FHIT: variants seen among roughly 807,000 people sequenced by gnomAD.
FHIT encodes fragile histidine triad diadenosine triphosphatase, also known as bis(5'-adenosyl)-triphosphatase.
In FHIT, 19 loss-of-function variants were observed where a neutral mutation model predicts 17.9. The observed-to-expected ratio is 1.06, with a 90% CI of 0.74 to 1.56. FHIT has a LOEUF of 1.56. Ranked by LOEUF, FHIT falls within the 40% of genes most tolerant of loss-of-function variation. The pLI, the probability that FHIT is intolerant of heterozygous loss-of-function variation, is 0.00. For missense variants in FHIT, 248 were observed against 189.2 expected (o/e 1.31, Z -1.82); for synonymous variants, 81 against 69.7 (o/e 1.16, Z -0.81).
chr3:60,302,851 A>G (rs973882178), intron 5 of FHIT, among the ~76,000 whole-genome samples: 7 of 152,176 alleles, frequency 4.6e-5, no homozygotes, highest in Non-Finnish European at 7.4e-5. Flanking sequence ...TAAATTTCTC[A>G]TCAAGCATCA....
intron 5 of FHIT, among the ~76,000 whole-genome samples, chr3:60,158,439 G>A (rs1038045493): frequency 1.3e-5 from 2 of 151,850 alleles, no homozygotes; most frequent in Non-Finnish European, 2.9e-5. Flanking sequence ...AGCCTCCTGA[G>A]TAACTAGGAT....
At chr3:61,100,062 T>C (rs2035769130) in intron 2 of FHIT, among the ~76,000 whole-genome samples, 1 of 152,080 alleles carries the variant, frequency 6.6e-6, no homozygotes, top group South Asian at 2.1e-4. Flanking sequence ...CTGAGCATCT[T>C]TTCTTTTTTT....
At chr3:60,834,898 A>T in intron 3 of FHIT, among the ~76,000 whole-genome samples, 1 of 149,514 alleles carries the variant, frequency 6.7e-6, no homozygotes, top group East Asian at 1.9e-4. Flanking sequence ...AAAAAAAAAA[A>T]CTCTTTCACG....
chr3:60,377,856 CAG>C (rs1267618558), intron 5 of FHIT, among the ~76,000 whole-genome samples: 1 of 152,102 alleles, frequency 6.6e-6, no homozygotes, highest in Non-Finnish European at 1.5e-5. Context: ...ATTGAGGACA[CAG>C]GGTTTAGGGA....
intron 8 of FHIT, among the ~76,000 whole-genome samples, chr3:59,858,573 G>A (rs1352749687): frequency 6.6e-6 from 1 of 151,912 alleles, no homozygotes; most frequent in Non-Finnish European, 1.5e-5. Flanking sequence ...GAGGAGGCAG[G>A]AGCGAGGGGT....
intron 3 of FHIT, among the ~76,000 whole-genome samples, chr3:60,843,121 C>T (rs868966001): frequency 1.3e-5 from 2 of 152,022 alleles, no homozygotes. Context: ...TTAAAATTCA[C>T]GTAGGAATGG....
chr3:59,770,677 T>C (rs1187876049), intron 8 of FHIT, among the ~76,000 whole-genome samples: 4 of 152,178 alleles, frequency 2.6e-5, no homozygotes, highest in Non-Finnish European at 4.4e-5. Context: ...ACCCAGGTTG[T>C]GGTACTTGAT....
At chr3:60,462,426 TA>T (rs1292573864) in intron 5 of FHIT, among the ~76,000 whole-genome samples, 1 of 152,010 alleles carries the variant, frequency 6.6e-6, no homozygotes, top group African/African-American at 2.4e-5. Context: ...CCAAACACTG[TA>T]AGAACCCAAA....
At chr3:61,188,508 G>A (rs1273341787) in intron 2 of FHIT, among the ~76,000 whole-genome samples, 2 of 152,190 alleles carry the variant, frequency 1.3e-5, no homozygotes, top group South Asian at 4.1e-4. Context: ...GAGGTACAAG[G>A]AGGAGCTAGT....
rs571073727 is a variant in FHIT, at chr3:60,047,467, T to C, written c.104-33315A>G. 3.9e-5 allele frequency among the ~76,000 whole-genome samples: 6 copies of C among 152,350 alleles called. No homozygotes were observed. The South Asian group carries it at 1.0e-3, about 26-fold the overall frequency. ...AAGTCCAGCAGCTAATTCAAAGCCA[T>C]GCTCTTGTAGAAGGAGCCATTGAAA... On this transcript the variant is annotated intron_variant, in intron 5 of 9. Coordinates refer to ENST00000492590, the MANE Select transcript of FHIT (RefSeq NM_002012.4).
chr3:61,184,779 G>A (rs938219216), intron 2 of FHIT, among the ~76,000 whole-genome samples: 8 of 152,096 alleles, frequency 5.3e-5, no homozygotes, highest in Admixed American at 5.2e-4. Context: ...AAGGTGAGAG[G>A]CAGTGACTTC....
chr3:60,102,567 T>C (rs541097118), intron 5 of FHIT, among the ~76,000 whole-genome samples: 1 of 152,016 alleles, frequency 6.6e-6, no homozygotes, highest in South Asian at 2.1e-4. Flanking sequence ...AGGCACAAAG[T>C]AAGCATCTGT....
chr3:60,115,836 G>C (rs1028720235), intron 5 of FHIT, among the ~76,000 whole-genome samples: 7 of 151,846 alleles, frequency 4.6e-5, no homozygotes, highest in African/African-American at 1.5e-4. Flanking sequence ...TTATGTGCAT[G>C]TATAATACAT....
intron 8 of FHIT, among the ~76,000 whole-genome samples, chr3:59,766,953 C>A (rs1360852353): frequency 6.6e-6 from 1 of 152,108 alleles, no homozygotes; most frequent in Non-Finnish European, 1.5e-5. Context: ...TGTGAGAGTT[C>A]CTAATTGGTT....
chr3:59,979,574 T>G (rs989585582), intron 7 of FHIT, among the ~76,000 whole-genome samples: 1 of 152,068 alleles, frequency 6.6e-6, no homozygotes, highest in Non-Finnish European at 1.5e-5. Flanking sequence ...CTTTTTTAAA[T>G]AGAAACATCT....
Position 60,543,907 on chromosome 3 carries a change from C to CTTTTTTTTTTTTTTTTT in FHIT, c.-17-6945_-17-6929dup, listed in dbSNP as rs71092612. Reference sequence around the variant, plus strand: ...CTACAAGCGCCCGCACCACGCCCGGCTTTTTTTTTTTTTTTTTTTTTTTTG... The same window carrying CTTTTTTTTTTTTTTTTT: ...CTACAAGCGCCCGCACCACGCCCGGCTTTTTTTTTTTTTTTTTTTTTTTTTTTTTTTTTTTTTTTTTG... On this transcript the variant is annotated intron_variant, in intron 4 of 9. Coordinates refer to ENST00000492590, the MANE Select transcript of FHIT (RefSeq NM_002012.4). Among the ~76,000 whole-genome samples the CTTTTTTTTTTTTTTTTT allele has an allele frequency of 5.1e-3, 263 of 52,038 alleles. 15 individuals are homozygous for CTTTTTTTTTTTTTTTTT. Among genetic ancestry groups the CTTTTTTTTTTTTTTTTT allele is most frequent in the East Asian group, 0.012 (11 of 904 alleles). 34.1% of individuals were successfully genotyped at this position (52,038 alleles called of 152,430 possible). A position where few individuals can be genotyped will look rare whatever the true frequency, so the allele number is the denominator to read the frequency against.
chr3:60,883,057 C>T (rs1300791560), intron 3 of FHIT, among the ~76,000 whole-genome samples: 1 of 152,044 alleles, frequency 6.6e-6, no homozygotes, highest in Admixed American at 6.6e-5. Context: ...AGTACCATTT[C>T]TATACACCAA....
At chr3:60,314,909 G>A (rs1709099466) in intron 5 of FHIT, among the ~76,000 whole-genome samples, 1 of 152,084 alleles carries the variant, frequency 6.6e-6, no homozygotes, top group African/African-American at 2.4e-5. Context: ...CACAGTGAGA[G>A]CCTGTCTCTA....
chr3:59,991,165 T>A lies in FHIT; in HGVS notation c.279+20206A>T, dbSNP rs985765230. ...GGCCATGTGTGACAGTGGGTGTTAC[T>A]CAGCAGGTGCTCAGTGAATAATGAA... On this transcript the variant is annotated intron_variant, in intron 7 of 9. Coordinates refer to ENST00000492590, the MANE Select transcript of FHIT (RefSeq NM_002012.4). Among the ~76,000 whole-genome samples the A allele has an allele frequency of 2.6e-5, 4 of 152,100 alleles. No homozygotes were observed. The East Asian group carries it at 7.7e-4, about 29-fold the overall frequency.
Sources: gnomAD v4.1 joint callset for allele counts (sites outside exome capture counted in the v4.1 genomes callset) on GRCh38, gnomAD v4.1.1 for gene constraint, MANE v1.5 for transcripts, NCBI Gene and HGNC (gene_info 2026-07-23, HGNC 2026-07-21) for gene names.